METTL9: variants seen among roughly 807,000 people sequenced by gnomAD.
METTL9 encodes the protein protein-L-histidine N-pros-methyltransferase.
METTL9 carries 10 observed loss-of-function variants against 36.0 expected under a neutral mutation model. That is an observed-to-expected ratio of 0.28 (90% CI 0.17 to 0.47). The LOEUF is 0.47. Among genes scored for constraint, METTL9 ranks in the 20% least tolerant of loss-of-function variants. The probability of loss-of-function intolerance (pLI) is 0.99; values close to 1 mark genes in which losing one functional copy is unlikely to be tolerated. For missense variants in METTL9, 246 were observed against 383.5 expected (o/e 0.64, Z 3.00); for synonymous variants, 175 against 149.7 (o/e 1.17, Z -1.23).
intron 4 of METTL9, among the ~76,000 whole-genome samples, chr16:21,645,127 T>A (rs749367631): frequency 5.9e-5 from 9 of 152,226 alleles, no homozygotes; most frequent in Non-Finnish European, 1.2e-4. Context: ...TTGTACTTAC[T>A]GTCTGAATAG....
chr16:21,609,550 T>C (rs1224862363), intron 1 of METTL9, among the ~76,000 whole-genome samples: 1 of 152,096 alleles, frequency 6.6e-6, no homozygotes, highest in Non-Finnish European at 1.5e-5. Flanking sequence ...CTAGGAAATA[T>C]TTAGGCTGAA....
At chr16:21,627,267 G>A (rs1965836705) in intron 4 of METTL9, 1 of 985,232 alleles carries the variant, frequency 1.0e-6, no homozygotes. Flanking sequence ...GAGGATATCT[G>A]AGTGTGCTTT....
At chr16:21,622,328 T>A (rs1267063641) in intron 3 of METTL9, among the ~76,000 whole-genome samples, 1 of 151,134 alleles carries the variant, frequency 6.6e-6, no homozygotes, top group African/African-American at 2.4e-5. Context: ...TTTAATTTTT[T>A]ATAGAGATGG....
chr16:21,609,105 C>T (rs1459117761), intron 1 of METTL9, among the ~76,000 whole-genome samples: 1 of 152,186 alleles, frequency 6.6e-6, no homozygotes, highest in African/African-American at 2.4e-5. Flanking sequence ...TCATTGCTTG[C>T]TTCCTTGCTT....
At chr16:21,597,797 C>T (rs1964983107), upstream of METTL9, among the ~76,000 whole-genome samples, 1 of 152,120 alleles carries the variant, frequency 6.6e-6, no homozygotes, top group Non-Finnish European at 1.5e-5. Flanking sequence ...AGTAAATAAA[C>T]AGTTATTGGA....
chr16:21,618,921 G>T (rs1244239413), intron 3 of METTL9, among the ~76,000 whole-genome samples: 1 of 151,996 alleles, frequency 6.6e-6, no homozygotes. Flanking sequence ...TCACTATTTG[G>T]CCAGGCTGGT....
At chr16:21,643,572 T>C in intron 4 of METTL9, 1 of 1,607,406 alleles carries the variant, frequency 6.2e-7, no homozygotes, top group Non-Finnish European at 8.5e-7. Context: ...CTTTTATTTC[T>C]TTGTTTCTTA....
intron 4 of METTL9, among the ~76,000 whole-genome samples, chr16:21,633,832 T>G (rs995654577): frequency 1.3e-5 from 2 of 152,186 alleles, no homozygotes; most frequent in Non-Finnish European, 2.9e-5. Flanking sequence ...TAAGGGATAG[T>G]GCCTTTGATA....
intron 4 of METTL9, chr16:21,640,307 C>T (rs755269582): frequency 2.6e-5 from 4 of 151,962 alleles, no homozygotes; most frequent in Non-Finnish European, 4.4e-5. Flanking sequence ...ATAATGAATG[C>T]ATACTTATGG....
intron 1 of METTL9, among the ~76,000 whole-genome samples, chr16:21,607,534 G>A (rs1377107544): frequency 6.6e-6 from 1 of 152,110 alleles, no homozygotes; most frequent in African/African-American, 2.4e-5. Flanking sequence ...GGAGAATATT[G>A]CTATTTACTG....
At chr16:21,617,525 C>T (rs1965584325) in intron 2 of METTL9, among the ~76,000 whole-genome samples, 3 of 151,684 alleles carry the variant, frequency 2.0e-5, no homozygotes, top group Non-Finnish European at 4.4e-5. Context: ...GTCAGGAGTT[C>T]GAGACCAACC....
intron 4 of METTL9, among the ~76,000 whole-genome samples, chr16:21,645,470 AG>A (rs906020956): frequency 6.6e-6 from 1 of 152,216 alleles, no homozygotes. Context: ...AAAAAAAGAA[AG>A]AAAAATCCCA....
chr16:21,599,540 G>A, upstream of METTL9: 4 of 1,276,234 alleles, frequency 3.1e-6, no homozygotes, highest in Middle Eastern at 3.0e-4. This position sits in a 1 kb window ranked among gnomAD's most constrained non-coding sequence, Gnocchi z 4.4. Context: ...CGGCCGGAAG[G>A]GAAGGGGGAG....
chr16:21,655,275 A>G lies in METTL9; in HGVS notation c.800A>G (p.Gln267Arg), dbSNP rs1966676058. ...KPSEILEIKG[Q>R]NWEEQVNSLP... The stretch of plus-strand genomic sequence containing the variant: ...TCAGAAATTTTGGAAATCAAAGGAC[A>G]GAACTGGGAAGAACAAGTGAATAGT... Residue 267 changes from glutamine to arginine, a missense_variant, in exon 5 of 5, where the codon CAG becomes CGG. Gln to Arg is a conservative substitution (Grantham distance 43). Coordinates refer to ENST00000358154, the MANE Select transcript of METTL9 (RefSeq NM_016025.5). 1.2e-6 allele frequency: 2 copies of G among 1,614,250 alleles called. No individual in the cohort carries two copies. The highest frequency in any genetic ancestry group is 1.7e-6 in the Non-Finnish European group (2 of 1,180,028).
In METTL9 at chr16:21,639,198, A is replaced by C. The variant is rs140735052; in HGVS notation, c.751+14083A>C. Among the ~76,000 whole-genome samples, 15 of 152,350 alleles carry C rather than the reference A, an allele frequency of 9.8e-5. No individual in the cohort carries two copies. The East Asian group carries it at 2.3e-3, about 23-fold the overall frequency. On this transcript the variant is annotated intron_variant, in intron 4 of 4. Coordinates refer to ENST00000358154, the MANE Select transcript of METTL9 (RefSeq NM_016025.5). ...CACCAGATATTCTTATATAAGACCT[A>C]GAGGAATGGAACTCTTTGCGAAAGT...
intron 3 of METTL9, among the ~76,000 whole-genome samples, chr16:21,618,720 C>CT (rs1335944712): frequency 1.8e-3 from 268 of 145,960 alleles, no homozygotes; most frequent in African/African-American, 3.8e-3. Context: ...CTTTTCTTTT[C>CT]TTTTTTTTTT....
chr16:21,639,393 C>G (rs1194081947), intron 4 of METTL9: 2 of 152,080 alleles, frequency 1.3e-5, no homozygotes, highest in African/African-American at 2.4e-5. Context: ...GTAATGACTC[C>G]CAGAAATGAA....
At chr16:21,624,881 A>T in intron 3 of METTL9, 50 bp from the exon 4 acceptor site, 1 of 1,509,460 alleles carries the variant, frequency 6.6e-7, no homozygotes, top group Non-Finnish European at 9.2e-7. Flanking sequence ...ATTTTTAAAG[A>T]TGTCTTTAGA....
At chr16:21,650,439 T>TG (rs1357787558) in intron 4 of METTL9, among the ~76,000 whole-genome samples, 1 of 139,352 alleles carries the variant, frequency 7.2e-6, no homozygotes, top group Non-Finnish European at 1.5e-5. Context: ...ACGTAGGAGG[T>TG]GGAGGTTGCA....
Sources: gnomAD v4.1 joint callset for allele counts (sites outside exome capture counted in the v4.1 genomes callset) on GRCh38, gnomAD v4.1.1 for gene constraint, Gnocchi (gnomAD v3.1) non-coding constraint, MANE v1.5 for transcripts, NCBI Gene and HGNC (gene_info 2026-07-23, HGNC 2026-07-21) for gene names.